The following NPY5R variants were observed in gnomAD, a reference collection of about 807,000 sequenced individuals.
The protein encoded by NPY5R is neuropeptide Y receptor Y5.
Under a neutral mutation model 24.8 loss-of-function variants are expected in NPY5R, and 21 were observed. The observed-to-expected ratio is 0.85, with a 90% CI of 0.60 to 1.22. The LOEUF (loss-of-function observed/expected upper bound fraction) is 1.22. NPY5R is among the 50% of genes most tolerant of loss of function. The probability of loss-of-function intolerance (pLI) is 0.00; values close to 1 mark genes in which losing one functional copy is unlikely to be tolerated. For missense variants in NPY5R, 481 were observed against 521.3 expected (o/e 0.92, Z 0.75); for synonymous variants, 175 against 183.0 (o/e 0.96, Z 0.35).
chr4:163,350,506 T>A lies in NPY5R; in HGVS notation c.233T>A (p.Phe78Tyr). 6.2e-7 allele frequency: 1 copy of A among 1,614,198 alleles called. No homozygotes were observed. The highest frequency in any genetic ancestry group is 1.1e-5 in the South Asian group (1 of 91,082). The change falls in exon 4 of 4, where the codon TTC (phenylalanine) becomes TAC (tyrosine). Residue 78 changes from phenylalanine (F) to tyrosine (Y), a missense_variant. Coordinates refer to ENST00000338566, the MANE Select transcript of NPY5R (RefSeq NM_006174.4). ...CGTAATCAGAAGACTACGGTAAACT[T>A]CCTCATAGGCAATCTGGCCTTTTCT... The part of the protein sequence containing the change: ...KKRNQKTTVN[F>Y]LIGNLAFSDI...
At position 163,350,356 on chromosome 4, in the gene NPY5R, C is replaced by T. The variant is rs1286076048; in HGVS notation, c.83C>T (p.Pro28Leu). 2 of 1,611,790 alleles carry T rather than the reference C, an allele frequency of 1.2e-6. No homozygotes were observed. Among genetic ancestry groups the T allele is most frequent in the Admixed American group, 3.3e-5 (2 of 59,898 alleles). The change falls in exon 4 of 4, where the codon CCA (proline) becomes CTA (leucine). Residue 28 changes from proline to leucine, a missense_variant. Pro to Leu is a moderately conservative substitution (Grantham distance 98). Coordinates refer to ENST00000338566, the MANE Select transcript of NPY5R (RefSeq NM_006174.4). ...NTAATRNSDF[P>L]VWDDYKSSVD... Reference sequence around the variant, plus strand: ...GCTGCCACTCGGAATTCTGATTTCCCAGTCTGGGATGACTATAAAAGCAGT... The same window carrying T: ...GCTGCCACTCGGAATTCTGATTTCCTAGTCTGGGATGACTATAAAAGCAGT...
intron 3 of NPY5R, chr4:163,349,435 C>A: frequency 6.9e-6 from 2 of 291,472 alleles, no homozygotes; most frequent in Non-Finnish European, 1.0e-5. Context: ...TGATATGTAG[C>A]ATCAGACAAC....
Position 163,345,748 on chromosome 4 carries a change from G to C in NPY5R, c.-86G>C, listed in dbSNP as rs921184211. 7 of 152,118 alleles carry C rather than the reference G, an allele frequency of 4.6e-5. No individual in the cohort carries two copies. The highest frequency in any genetic ancestry group is 6.5e-5 in the Admixed American group (1 of 15,274). 9.4% of individuals were successfully genotyped at this position (152,118 alleles called of 1,614,324 possible). A position where few individuals can be genotyped will look rare whatever the true frequency, so the allele number is the denominator to read the frequency against. ...TTGTGTTTTTCAGGAAAAAGGAAGGGAAAGGGTAAGTTTAATGGAAAAAAT... is the reference window on the plus strand; with the variant it reads ...TTGTGTTTTTCAGGAAAAAGGAAGGCAAAGGGTAAGTTTAATGGAAAAAAT... On this transcript the variant is annotated 5_prime_UTR_variant, in exon 2 of 4. Transcript: ENST00000338566.
intron 3 of NPY5R, among the ~76,000 whole-genome samples, chr4:163,348,881 C>T (rs765165925): frequency 1.3e-5 from 2 of 152,034 alleles, no homozygotes; most frequent in Non-Finnish European, 2.9e-5. Flanking sequence ...GCTACATTTA[C>T]GTTTAAGGTA....
At chr4:163,346,823 T>C (rs1251466303) in intron 2 of NPY5R, among the ~76,000 whole-genome samples, 1 of 152,200 alleles carries the variant, frequency 6.6e-6, no homozygotes, top group Admixed American at 6.5e-5. Context: ...GTTGTAAATA[T>C]ATCTTACAGT....
At chr4:163,350,103 C>CAAAAAAAA in intron 3 of NPY5R, 162 bp from the exon 4 acceptor site, 1 of 167,086 alleles carries the variant, frequency 6.0e-6, no homozygotes, top group Non-Finnish European at 1.0e-5. Flanking sequence ...GACTCCGTCT[C>CAAAAAAAA]AAAAAAAAAA....
At chr4:163,348,555 G>A (rs1273374439) in intron 3 of NPY5R, among the ~76,000 whole-genome samples, 5 of 151,562 alleles carry the variant, frequency 3.3e-5, no homozygotes, top group Non-Finnish European at 5.9e-5. Flanking sequence ...TGAGATGAGA[G>A]GATTGCTTGA....
Position 163,350,625 on chromosome 4 carries a change from C to A in NPY5R, c.352C>A (p.Pro118Thr). The A allele has an allele frequency of 6.2e-7, 1 of 1,614,094 alleles. No individual in the cohort carries two copies. Among genetic ancestry groups the A allele is most frequent in the Non-Finnish European group, 8.5e-7 (1 of 1,180,008 alleles). ...TGGCAAAGTCATGTGCCATATTATG[C>A]CTTTTCTTCAATGTGTGTCAGTTTT... ...MFGKVMCHIM[P>T]FLQCVSVLVS... The change falls in exon 4 of 4, where the codon CCT becomes ACT. Residue 118 changes from proline to threonine, a missense_variant. Pro to Thr is a conservative substitution (Grantham distance 38). Transcript: ENST00000338566.
intron 1 of NPY5R, 37 bp from the exon 2 acceptor site, chr4:163,345,677 G>A (rs1028872998): frequency 6.6e-6 from 1 of 152,032 alleles, no homozygotes; most frequent in Non-Finnish European, 1.5e-5. Flanking sequence ...TACAGCACTC[G>A]TAATAACACT....
Position 163,350,617 on chromosome 4 carries a change from A to G in NPY5R, c.344A>G (p.His115Arg), listed in dbSNP as rs775716946. 2.2e-5 allele frequency: 35 copies of G among 1,614,064 alleles called. No homozygotes were observed. The highest frequency in any genetic ancestry group is 2.7e-5 in the Non-Finnish European group (32 of 1,180,030). The part of the protein sequence containing the change: ...DQWMFGKVMC[H>R]IMPFLQCVSV... ...TGGATGTTTGGCAAAGTCATGTGCC[A>G]TATTATGCCTTTTCTTCAATGTGTG... Residue 115 changes from histidine (H) to arginine (R), a missense_variant, in exon 4 of 4, where the codon CAT (histidine) becomes CGT (arginine). His to Arg is a conservative substitution (Grantham distance 29). Coordinates refer to ENST00000338566, the MANE Select transcript of NPY5R (RefSeq NM_006174.4).
chr4:163,346,699 A>G (rs2110853659), intron 2 of NPY5R, among the ~76,000 whole-genome samples: 1 of 152,346 alleles, frequency 6.6e-6, no homozygotes, highest in Admixed American at 6.5e-5. Context: ...ATGTGGTTTT[A>G]CAATTTAATG....
chr4:163,347,007 A>G (rs572117249), intron 2 of NPY5R, among the ~76,000 whole-genome samples: 1 of 152,314 alleles, frequency 6.6e-6, no homozygotes, highest in African/African-American at 2.4e-5. Flanking sequence ...AGATACATAT[A>G]CACACATATA....
In NPY5R at chr4:163,348,258, C is replaced by T. The variant is rs181015827; in HGVS notation, c.-10+736C>T. ...TTAACTATATATATCACAATCTCTACGACAATGTATTTATTGGAATTAATT... is the reference window on the plus strand; with the variant it reads ...TTAACTATATATATCACAATCTCTATGACAATGTATTTATTGGAATTAATT... On this transcript the variant is annotated intron_variant, in intron 3 of 3. Coordinates refer to ENST00000338566, the MANE Select transcript of NPY5R (RefSeq NM_006174.4). Among the ~76,000 whole-genome samples, 193 of 152,126 alleles carry T rather than the reference C, an allele frequency of 1.3e-3. 1 individual carries two copies. Among genetic ancestry groups the T allele is most frequent in the African/African-American group, 4.3e-3 (180 of 41,476 alleles).
chr4:163,349,888 G>A (rs1189440805), intron 3 of NPY5R, among the ~76,000 whole-genome samples: 1 of 152,030 alleles, frequency 6.6e-6, no homozygotes, highest in African/African-American at 2.4e-5. Flanking sequence ...AGGCCGAGGC[G>A]GGCGGATCAC....
chr4:163,352,163 T>A (rs1024901236), downstream of NPY5R, among the ~76,000 whole-genome samples: 1 of 152,298 alleles, frequency 6.6e-6, no homozygotes, highest in East Asian at 1.9e-4. Flanking sequence ...AGTACAGTTT[T>A]GGAAGTCCTG....
At chr4:163,350,221 A>T in intron 3 of NPY5R, 44 bp from the exon 4 acceptor site, 3 of 1,439,238 alleles carry the variant, frequency 2.1e-6, no homozygotes, top group Non-Finnish European at 2.8e-6. Context: ...GTAGTCATGT[A>T]ATGTTTTTTT....
chr4:163,348,828 G>A (rs1235254472), intron 3 of NPY5R, among the ~76,000 whole-genome samples: 1 of 151,988 alleles, frequency 6.6e-6, no homozygotes, highest in East Asian at 1.9e-4. Context: ...AATTTAATTT[G>A]AAATGAAGAA....
Sources: gnomAD v4.1 joint callset for allele counts (sites outside exome capture counted in the v4.1 genomes callset) on GRCh38, gnomAD v4.1.1 for gene constraint, MANE v1.5 for transcripts, NCBI Gene and HGNC (gene_info 2026-07-23, HGNC 2026-07-21) for gene names.